MEOX2: variants seen among roughly 807,000 people sequenced by gnomAD.
The protein encoded by MEOX2 is homeobox protein MOX-2.
MEOX2 carries 11 observed loss-of-function variants against 27.0 expected under a neutral mutation model. The observed-to-expected ratio is 0.41, with a 90% confidence interval of 0.26 to 0.68. The LOEUF (loss-of-function observed/expected upper bound fraction) is 0.68, where lower values mean the gene tolerates loss of function less well. Among genes scored for constraint, MEOX2 ranks in the 30% least tolerant of loss-of-function variants. The probability of loss-of-function intolerance (pLI) is 0.33; values close to 1 mark genes in which losing one functional copy is unlikely to be tolerated. For synonymous variants in MEOX2, 189 were observed against 155.4 expected, an observed-to-expected ratio of 1.22 and a Z score of -1.61; for missense variants, 436 against 385.4, an observed-to-expected ratio of 1.13 and a Z score of -1.10.
chr7:15,685,448 C>T (rs1211873443), intron 1 of MEOX2, among the ~76,000 whole-genome samples: 3 of 152,026 alleles, frequency 2.0e-5, no homozygotes, highest in Non-Finnish European at 4.4e-5. Flanking sequence ...ATCCAGTTAA[C>T]GATGGGAAAA....
intron 1 of MEOX2, among the ~76,000 whole-genome samples, chr7:15,649,168 C>G (rs536213001): frequency 6.6e-6 from 1 of 152,046 alleles, no homozygotes; most frequent in Non-Finnish European, 1.5e-5. Flanking sequence ...AAACATTTCA[C>G]GGTTTTTAAA....
intron 1 of MEOX2, among the ~76,000 whole-genome samples, chr7:15,658,246 G>C (rs997943653): frequency 6.6e-6 from 1 of 152,202 alleles, no homozygotes; most frequent in East Asian, 1.9e-4. Flanking sequence ...TCAGCCTGCA[G>C]GGGAGGTGGG....
intron 1 of MEOX2, among the ~76,000 whole-genome samples, chr7:15,660,747 C>G (rs958228460): frequency 1.3e-5 from 2 of 151,996 alleles, no homozygotes; most frequent in African/African-American, 2.4e-5. Flanking sequence ...AGGAGCCAGG[C>G]GTGGTGGCTC....
intron 2 of MEOX2, among the ~76,000 whole-genome samples, chr7:15,617,942 C>T (rs1429540564): frequency 6.6e-6 from 1 of 152,048 alleles, no homozygotes; most frequent in East Asian, 1.9e-4. Flanking sequence ...GGACAAATAA[C>T]ATATTGAACA....
chr7:15,648,606 G>T (rs972921887), intron 1 of MEOX2, among the ~76,000 whole-genome samples: 1 of 152,042 alleles, frequency 6.6e-6, no homozygotes, highest in African/African-American at 2.4e-5. Context: ...ATGCCATGGT[G>T]CTTCAGGAAA....
chr7:15,686,509 C>T lies in MEOX2; in HGVS notation c.-107G>A. 1 of 866,580 alleles carries T rather than the reference C, an allele frequency of 1.2e-6. No individual in the cohort carries two copies. The highest frequency in any genetic ancestry group is 1.7e-6 in the Non-Finnish European group (1 of 578,214). 53.7% of individuals were successfully genotyped at this position (866,580 alleles called of 1,614,324 possible). On this transcript the variant is annotated 5_prime_UTR_variant, in exon 1 of 3. Transcript: ENST00000262041. ...ACCGTGTGATTTTTTTTTTAACCTC[C>T]CAAAGCAATAGCGGTGCACTTCTGC...
At chr7:15,668,077 C>T (rs1056220496) in intron 1 of MEOX2, 1 of 152,176 alleles carries the variant, frequency 6.6e-6, no homozygotes, top group Non-Finnish European at 1.5e-5. Context: ...GTGGAAACTA[C>T]CTATTTCTAC....
At chr7:15,618,336 A>C (rs539400821) in intron 2 of MEOX2, among the ~76,000 whole-genome samples, 2 of 152,134 alleles carry the variant, frequency 1.3e-5, no homozygotes, top group South Asian at 4.1e-4. Flanking sequence ...AAAATATCAA[A>C]ACTAAATTAG....
At chr7:15,614,942 C>G (rs1490857436) in intron 2 of MEOX2, among the ~76,000 whole-genome samples, 1 of 152,022 alleles carries the variant, frequency 6.6e-6, no homozygotes, top group Non-Finnish European at 1.5e-5. Context: ...AGATATTTCT[C>G]TATTCTGGAT....
chr7:15,617,182 C>G (rs1781137804), intron 2 of MEOX2, among the ~76,000 whole-genome samples: 1 of 151,998 alleles, frequency 6.6e-6, no homozygotes, highest in African/African-American at 2.4e-5. Flanking sequence ...TGGATGAAAA[C>G]TAAAAATTTC....
At chr7:15,618,752 T>C (rs932298312) in intron 2 of MEOX2, among the ~76,000 whole-genome samples, 3 of 151,872 alleles carry the variant, frequency 2.0e-5, no homozygotes, top group African/African-American at 7.2e-5. Context: ...TATGTGACAC[T>C]TTACTGCCCT....
intron 1 of MEOX2, among the ~76,000 whole-genome samples, chr7:15,674,448 T>C (rs1250437887): frequency 2.6e-5 from 4 of 151,918 alleles, no homozygotes; most frequent in Admixed American, 2.6e-4. Context: ...GATGAAGCAA[T>C]GGAACTCAGT....
At chr7:15,628,462 G>C (rs1226804258) in intron 1 of MEOX2, among the ~76,000 whole-genome samples, 1 of 152,092 alleles carries the variant, frequency 6.6e-6, no homozygotes, top group Non-Finnish European at 1.5e-5. Context: ...ACTCACTGGT[G>C]CACTGGCACT....
chr7:15,627,317 G>A (rs1358207166), intron 1 of MEOX2, among the ~76,000 whole-genome samples: 1 of 151,946 alleles, frequency 6.6e-6, no homozygotes, highest in Non-Finnish European at 1.5e-5. Flanking sequence ...TTAAAAAGTG[G>A]CATCTCAATA....
chr7:15,661,477 T>C (rs1362772858), intron 1 of MEOX2, among the ~76,000 whole-genome samples: 2 of 152,238 alleles, frequency 1.3e-5, no homozygotes, highest in African/African-American at 2.4e-5. Flanking sequence ...CGTTTTGCTT[T>C]TAAAATCAAC....
At chr7:15,613,585 A>G (rs1430404305) in intron 2 of MEOX2, among the ~76,000 whole-genome samples, 3 of 152,102 alleles carry the variant, frequency 2.0e-5, no homozygotes, top group Non-Finnish European at 4.4e-5. Flanking sequence ...AAGTACCACA[A>G]GCCTGAATTT....
rs952828612 is a variant in MEOX2 at position 15,642,093 on chromosome 7, ATG to A, written c.518-15177_518-15176del. Among the ~76,000 whole-genome samples, 90 of 152,064 alleles carry A rather than the reference ATG, an allele frequency of 5.9e-4. 1 individual carries two copies. Among genetic ancestry groups the A allele is most frequent in the African/African-American group, 2.1e-3 (88 of 41,478 alleles). The stretch of plus-strand genomic sequence containing the variant: ...AGCCTGAAGACTATATGCCTTGTTG[ATG>A]TTCATCTTGTATGGCATCTTGCAGG... On this transcript the variant is annotated intron_variant, in intron 1 of 2. Coordinates refer to ENST00000262041, the MANE Select transcript of MEOX2 (RefSeq NM_005924.5).
At position 15,611,323 on chromosome 7, in the gene MEOX2, T is replaced by C. The variant is rs913814880; in HGVS notation, c.*1064A>G. 4.6e-5 allele frequency: 7 copies of C among 152,332 alleles called. No individual in the cohort carries two copies. The highest frequency in any genetic ancestry group is 8.8e-5 in the Non-Finnish European group (6 of 68,032). 9.4% of individuals were successfully genotyped at this position (152,332 alleles called of 1,614,324 possible). On this transcript the variant is annotated 3_prime_UTR_variant, in exon 3 of 3. Transcript: ENST00000262041. ...AATAATGTGTTTTTACCGAATTTAA[T>C]TTGAAGATATTCAGAATTTTGTTTT...
intron 1 of MEOX2, among the ~76,000 whole-genome samples, chr7:15,643,316 G>A (rs1422806109): frequency 6.6e-6 from 1 of 152,156 alleles, no homozygotes; most frequent in Non-Finnish European, 1.5e-5. Flanking sequence ...TGCTGCCAAG[G>A]TAGCTGGAGG....
Sources: allele counts gnomAD v4.1 joint callset (sites outside exome capture counted in the v4.1 genomes callset), GRCh38; gene constraint gnomAD v4.1.1; transcripts MANE v1.5; gene names NCBI Gene and HGNC (gene_info 2026-07-23, HGNC 2026-07-21).